Variants in LCTL observed in about 807,000 individuals in gnomAD.
The protein encoded by LCTL is lactase like.
Under a neutral mutation model 75.8 loss-of-function variants are expected in LCTL, and 76 were observed. The ratio of observed to expected loss-of-function variants is 1.00; its 90% CI spans 0.83 to 1.21. The LOEUF is 1.21. LCTL is among the 50% of genes most tolerant of loss of function. LCTL has a pLI of 0.00. For missense variants in LCTL, 670 were observed against 712.4 expected, an observed-to-expected ratio of 0.94 and a Z score of 0.68; for synonymous variants, 271 against 268.8, an observed-to-expected ratio of 1.01 and a Z score of -0.08.
intron 6 of LCTL, among the ~76,000 whole-genome samples, chr15:66,560,713 C>G (rs933887148): frequency 2.0e-5 from 3 of 152,198 alleles, no homozygotes; most frequent in Admixed American, 6.5e-5. Context: ...GGCTCGCTGT[C>G]ACACCCCTTC....
chr15:66,563,223 C>G (rs1166565653), intron 4 of LCTL, among the ~76,000 whole-genome samples: 2 of 152,168 alleles, frequency 1.3e-5, no homozygotes, highest in Non-Finnish European at 2.9e-5. Flanking sequence ...TGGGGCCTCA[C>G]CAGAGTCTGC....
At chr15:66,563,473 A>T (rs1391353649) in intron 4 of LCTL, 43 bp downstream of exon 5, 1 of 1,410,698 alleles carries the variant, frequency 7.1e-7, no homozygotes, top group Admixed American at 1.7e-5. Flanking sequence ...CCTCCTGCTT[A>T]GTTGAGTCCC....
exon 13 of LCTL, chr15:66,548,299 G>GT (rs566686893): frequency 0.049 from 16,757 of 339,142 alleles, 11 homozygotes; most frequent in East Asian, 0.062. Context: ...GATTACAAGT[G>GT]TTTTTTTTTT....
intron 8 of LCTL, among the ~76,000 whole-genome samples, chr15:66,553,737 A>T (rs1474764078): frequency 6.7e-6 from 1 of 150,316 alleles, no homozygotes; most frequent in African/African-American, 2.5e-5. Flanking sequence ...CCTGGGTGAC[A>T]GAGCGAGACT....
intron 6 of LCTL, among the ~76,000 whole-genome samples, chr15:66,558,607 A>T (rs1167372227): frequency 1.3e-5 from 2 of 151,466 alleles, no homozygotes; most frequent in South Asian, 2.1e-4. Context: ...ATGCAAATCC[A>T]TGGGCCCTTG....
chr15:66,557,733 T>C (rs756601070), exon 8 of LCTL: 2 of 1,614,028 alleles, frequency 1.2e-6, no homozygotes, highest in Non-Finnish European at 8.5e-7. Flanking sequence ...AATGTAGTCC[T>C]TCATGACTTG....
intron 6 of LCTL, among the ~76,000 whole-genome samples, chr15:66,558,687 G>GTTTTTTT (rs11354993): frequency 2.1e-5 from 2 of 97,560 alleles, no homozygotes; most frequent in Non-Finnish European, 2.0e-5. Flanking sequence ...GTGTGTGTGT[G>GTTTTTTT]TTTTTTTTTT....
intron 4 of LCTL, among the ~76,000 whole-genome samples, chr15:66,561,766 C>T (rs1041370119): frequency 6.6e-6 from 1 of 152,174 alleles, no homozygotes. Flanking sequence ...GGGGCAGGCT[C>T]ATGAAAGCAA....
Position 66,552,128 on chromosome 15 carries a change from T to TC in LCTL, c.1238dup (p.Ala414SerfsTer12). On this transcript the variant is annotated frameshift_variant, in exon 10 of 13. Transcript: ENST00000341509. LOFTEE classifies it high-confidence loss of function. ...GAGTACAGTGGAATTTTTGAGATGC[T>TC]CCATTTTCCATCACATATATGGGAG... 1.2e-6 allele frequency: 2 copies of TC among 1,613,332 alleles called. No homozygotes were observed. Among genetic ancestry groups the TC allele is most frequent in the South Asian group, 2.2e-5 (2 of 91,004 alleles).
intron 4 of LCTL, among the ~76,000 whole-genome samples, chr15:66,561,655 A>G (rs1895892978): frequency 6.6e-6 from 1 of 152,190 alleles, no homozygotes; most frequent in Admixed American, 6.6e-5. Context: ...GGCTTTCCCA[A>G]CCAAAGACAT....
rs921608055 is a variant in LCTL, at chr15:66,551,745, T to A, written c.1441A>T (p.Arg481Ter). 1.9e-6 allele frequency: 3 copies of A among 1,613,962 alleles called. No individual in the cohort carries two copies. In the African/African-American group the frequency reaches 4.0e-5, roughly 22 times the overall value. ...GCCTTTGGATAGCGAGGCTTATTTC[T>A]GTCGTTAAATTCAACATAGTAGAAT... Residue 481 changes from arginine to a stop codon, truncating the protein, a stop_gained, in exon 11 of 13, where the codon AGA becomes TGA. Coordinates refer to ENST00000341509, the Ensembl canonical transcript of LCTL. LOFTEE classifies it high-confidence loss of function.
chr15:66,561,652 C>T lies in LCTL; in HGVS notation c.481-337G>A, dbSNP rs369679649. On this transcript the variant is annotated intron_variant, in intron 4 of 12. Transcript: ENST00000341509. ...CTGCCTTCTTCGGCAGAGGGCTTTC[C>T]CAACCAAAGACATCTGCCCATGACG... Among the ~76,000 whole-genome samples, 15 of 152,274 alleles carry T rather than the reference C, an allele frequency of 9.9e-5. No homozygotes were observed. In the East Asian group the frequency reaches 2.7e-3, roughly 27 times the overall value.
At chr15:66,563,974 G>A in exon 3 of LCTL, 1 of 1,613,984 alleles carries the variant, frequency 6.2e-7, no homozygotes, top group Non-Finnish European at 8.5e-7. Context: ...TTGACGTGCA[G>A]TTCCCTCAGC....
chr15:66,551,860 A>T (rs767933573), exon 11 of LCTL: 2 of 1,605,290 alleles, frequency 1.2e-6, no homozygotes, highest in Non-Finnish European at 1.7e-6. Context: ...CATCTTTTAT[A>T]GCTGCAAAGA....
chr15:66,551,375 C>G (rs529131266), intron 11 of LCTL, among the ~76,000 whole-genome samples: 1 of 139,842 alleles, frequency 7.2e-6, no homozygotes, highest in African/African-American at 2.6e-5. Flanking sequence ...AAAAAAGACA[C>G]GAGATTTAGA....
upstream of LCTL, chr15:66,565,605 G>T: frequency 2.0e-6 from 1 of 489,140 alleles, no homozygotes; most frequent in Non-Finnish European, 3.6e-6. Context: ...CCCTACCTTG[G>T]CTCCTGTCTG....
intron 2 of LCTL, 40 bp downstream of exon 3, chr15:66,564,636 C>CGT: frequency 6.3e-7 from 1 of 1,588,968 alleles, no homozygotes; most frequent in Non-Finnish European, 8.6e-7. Flanking sequence ...CATGTGTGTG[C>CGT]ACGCGCGCGC....
At chr15:66,554,772 T>C (rs1042757940) in intron 8 of LCTL, among the ~76,000 whole-genome samples, 2 of 152,162 alleles carry the variant, frequency 1.3e-5, no homozygotes, top group African/African-American at 4.8e-5. Flanking sequence ...GGTGGCACTT[T>C]CTATAGCGAT....
chr15:66,564,637 A>ACGCG (rs201869346), intron 2 of LCTL, 39 bp downstream of exon 3: 1 of 1,580,436 alleles, frequency 6.3e-7, no homozygotes, highest in Admixed American at 1.7e-5. Context: ...ATGTGTGTGC[A>ACGCG]CGCGCGCGCA....
Sources: gnomAD v4.1 joint callset for allele counts (sites outside exome capture counted in the v4.1 genomes callset) on GRCh38, gnomAD v4.1.1 for gene constraint, MANE v1.5 for transcripts, NCBI Gene and HGNC (gene_info 2026-07-23, HGNC 2026-07-21) for gene names.